Variants in LINC00632 observed in about 807,000 individuals in gnomAD.
The protein encoded by LINC00632 is long independently transcribed non-coding RNA 632, also known as ALDOA related specific transcript.
At chrX:140,771,846 A>AT (rs201454918) in intron 3 of LINC00632, among the ~76,000 whole-genome samples, 20,007 of 104,707 alleles carry the variant, frequency 0.19, 2,098 homozygotes, top group Middle Eastern at 0.35. Context: ...TGCCCAGCTA[A>AT]TTTTTTTGCA....
chrX:140,734,909 G>A (rs1263212037), intron 3 of LINC00632, among the ~76,000 whole-genome samples: 1 of 108,473 alleles, frequency 9.2e-6, no homozygotes. Flanking sequence ...TTACAGGCAC[G>A]TGCCACCACG....
intron 2 of LINC00632, among the ~76,000 whole-genome samples, chrX:140,717,021 G>T (rs552476556): frequency 4.6e-5 from 5 of 109,636 alleles, no homozygotes; most frequent in African/African-American, 1.3e-4. Flanking sequence ...GTCTCACTCT[G>T]TTGCCCAGGC....
rs1193285971 is a variant in LINC00632 at position 140,723,768 on chromosome X, TAC to T, written n.105-10102_105-10101del. 2.2e-3 allele frequency among the ~76,000 whole-genome samples: 4 copies of T among 1,815 alleles called. No individual in the cohort carries two copies. The East Asian group carries it at 0.058, about 26-fold the overall frequency. The allele number at this position is 1,815 out of a possible 115,157, so 1.6% of individuals were successfully genotyped here. Reference sequence around the variant, plus strand: ...ACATTCCATACACACACATATTCCATACACACACATTCCATACACACATACAT... The same window carrying T: ...ACATTCCATACACACACATATTCCATACACACATTCCATACACACATACAT... On this transcript the variant is annotated intron_variant and non_coding_transcript_variant, in intron 2 of 4. Transcript: ENST00000648200.
intron 2 of LINC00632, chrX:140,714,298 CACAG>C (rs1235816146): frequency 7.7e-6 from 1 of 130,516 alleles, no homozygotes; most frequent in Admixed American, 7.9e-5. Flanking sequence ...CCCAGCACCA[CACAG>C]ACACTCTGCA....
chrX:140,781,593 A>C (rs181045317), exon 5 of LINC00632, among the ~76,000 whole-genome samples: 4 of 111,274 alleles, frequency 3.6e-5, no homozygotes, highest in Non-Finnish European at 5.7e-5. Context: ...GTTATTTACC[A>C]TTCGGCTTCA....
rs573776842 is a variant in LINC00632 at position 140,734,236 on chromosome X, T to C, written n.191+272T>C. ...TCTAATTATTTACCACCTAACATCA[T>C]TTTGGAAAATGGTCTACTCCATCAC... On this transcript the variant is annotated intron_variant and non_coding_transcript_variant, in intron 3 of 4. Coordinates refer to ENST00000648200, the Ensembl canonical transcript of LINC00632. Among the ~76,000 whole-genome samples, 5 of 112,189 alleles carry C rather than the reference T, an allele frequency of 4.5e-5. No individual in the cohort carries two copies. In the South Asian group the frequency reaches 1.9e-3, roughly 42 times the overall value.
chrX:140,724,292 TAC>T (rs762932798), intron 2 of LINC00632, among the ~76,000 whole-genome samples: 2,560 of 84,826 alleles, frequency 0.03, no homozygotes, highest in African/African-American at 0.065. Context: ...ACACATTCCA[TAC>T]ACACACACAT....
At chrX:140,762,228 A>ATAGAGAGG (rs1931607887) in intron 3 of LINC00632, among the ~76,000 whole-genome samples, 1 of 107,731 alleles carries the variant, frequency 9.3e-6, no homozygotes, top group African/African-American at 3.4e-5. Flanking sequence ...AGAGAGAGAG[A>ATAGAGAGG]GAGAGAGAGA....
chrX:140,714,112 C>T (rs1930574548), intron 2 of LINC00632: 1 of 180,854 alleles, frequency 5.5e-6, no homozygotes, highest in African/African-American at 3.0e-5. Context: ...ACCATAGACT[C>T]GTCCTAGAGC....
chrX:140,722,048 TAC>T (rs1930736411), intron 2 of LINC00632, among the ~76,000 whole-genome samples: 1 of 110,949 alleles, frequency 9.0e-6, no homozygotes, highest in African/African-American at 3.3e-5. Flanking sequence ...TCTCACAACT[TAC>T]AGACTGGCCA....
intron 3 of LINC00632, among the ~76,000 whole-genome samples, chrX:140,742,871 G>GGA (rs758697417): frequency 5.9e-4 from 56 of 95,596 alleles, no homozygotes; most frequent in African/African-American, 2.1e-3. Flanking sequence ...GAGAGAGAGA[G>GGA]AGAGAGAGGA....
intron 3 of LINC00632, among the ~76,000 whole-genome samples, chrX:140,750,299 T>G (rs1931391155): frequency 9.1e-6 from 1 of 110,466 alleles, no homozygotes; most frequent in African/African-American, 3.3e-5. Flanking sequence ...GATCCAAAAT[T>G]TCAGTTAGAC....
exon 4 of LINC00632, among the ~76,000 whole-genome samples, chrX:140,773,134 C>T (rs1392687409): frequency 9.1e-6 from 1 of 110,133 alleles, no homozygotes; most frequent in African/African-American, 3.3e-5. Flanking sequence ...CCATCGCACT[C>T]CAGCCTGGGT....
intron 3 of LINC00632, among the ~76,000 whole-genome samples, chrX:140,737,280 C>T (rs5907625): frequency 0.36 from 40,234 of 110,408 alleles, 5,460 homozygotes; most frequent in Non-Finnish European, 0.4. Flanking sequence ...ACAATGATCA[C>T]ATAATTTCTG....
intron 2 of LINC00632, among the ~76,000 whole-genome samples, chrX:140,731,872 G>T (rs1284439391): frequency 9.0e-6 from 1 of 110,855 alleles, no homozygotes; most frequent in African/African-American, 3.3e-5. Context: ...CCCCAAACAA[G>T]ACAGGATTTC....
At chrX:140,759,289 T>TTTCC (rs796485491) in intron 3 of LINC00632, among the ~76,000 whole-genome samples, 1,579 of 79,519 alleles carry the variant, frequency 0.02, 41 homozygotes, top group East Asian at 0.093. Context: ...TCTTTCTTTC[T>TTTCC]TTCCTTCCTT....
chrX:140,771,919 A>C (rs1169567484), intron 3 of LINC00632, among the ~76,000 whole-genome samples: 1 of 109,501 alleles, frequency 9.1e-6, no homozygotes, highest in African/African-American at 3.3e-5. Context: ...TGACCTCGTG[A>C]TCCCCCTGCC....
At chrX:140,749,219 C>A (rs6636107) in intron 3 of LINC00632, among the ~76,000 whole-genome samples, 48,202 of 109,866 alleles carry the variant, frequency 0.44, 8,730 homozygotes, top group South Asian at 0.74. Flanking sequence ...TTCTGAAATA[C>A]CTTTTAGGTG....
exon 5 of LINC00632, among the ~76,000 whole-genome samples, chrX:140,785,823 T>C (rs866712944): frequency 1.8e-5 from 2 of 112,140 alleles, no homozygotes; most frequent in Non-Finnish European, 3.8e-5. Flanking sequence ...GAATCCCCTT[T>C]TACTGACTTT....
Sources: allele counts gnomAD v4.1 joint callset (sites outside exome capture counted in the v4.1 genomes callset), GRCh38; gene constraint gnomAD v4.1.1; transcripts MANE v1.5; gene names NCBI Gene and HGNC (gene_info 2026-07-23, HGNC 2026-07-21).